The following NRDE2 variants were observed in gnomAD, a reference collection of about 807,000 sequenced individuals.
The protein encoded by NRDE2 is nuclear exosome regulator NRDE2.
Under a neutral mutation model 124.2 loss-of-function variants are expected in NRDE2, and 76 were observed. That is an observed-to-expected ratio of 0.61 (90% CI 0.51 to 0.74). The LOEUF (loss-of-function observed/expected upper bound fraction) is 0.74. NRDE2 is among the 30% of genes least tolerant of loss of function. The pLI is 0.00. For synonymous variants in NRDE2, 489 were observed against 528.1 expected (o/e 0.93, Z 1.01); for missense variants, 1,314 against 1,417.3 (o/e 0.93, Z 1.17).
At position 90,269,721 on chromosome 14, in the gene NRDE2, T is replaced by TC; in HGVS notation, c.*8614_*8615insG. 4.7e-6 allele frequency: 3 copies of TC among 634,186 alleles called. No individual in the cohort carries two copies. The highest frequency in any genetic ancestry group is 7.9e-6 in the Non-Finnish European group (3 of 381,074). 39.3% of individuals were successfully genotyped at this position (634,186 alleles called of 1,614,324 possible). ...AGATGAGGGTTAAAACAGAGCATGA[T>TC]ATGGTCTGTGCACCTTGGCCCTTTG... On this transcript the variant is annotated 3_prime_UTR_variant, in exon 14 of 14. Transcript: ENST00000354366.
In NRDE2 at chr14:90,276,466, G is replaced by C. The variant is rs1407305690; in HGVS notation, c.*1870C>G. Reference sequence around the variant, plus strand: ...GATCTCCTGACCTCGTGATCCGTCCGCCTCGGCCTCCCAAAGTGCTGGGAT... The same window carrying C: ...GATCTCCTGACCTCGTGATCCGTCCCCCTCGGCCTCCCAAAGTGCTGGGAT... On this transcript the variant is annotated 3_prime_UTR_variant, in exon 14 of 14. Transcript: ENST00000354366. 1.3e-5 allele frequency: 2 copies of C among 152,042 alleles called. No homozygotes were observed. Among genetic ancestry groups the C allele is most frequent in the South Asian group, 4.1e-4 (2 of 4,820 alleles). 9.4% of individuals were successfully genotyped at this position (152,042 alleles called of 1,614,324 possible). A position where few individuals can be genotyped will look rare whatever the true frequency, so the allele number is the denominator to read the frequency against.
chr14:90,331,625 C>T (rs1885701697), intron 1 of NRDE2, among the ~76,000 whole-genome samples: 1 of 152,234 alleles, frequency 6.6e-6, no homozygotes, highest in African/African-American at 2.4e-5. Context: ...GCTGGTCTTT[C>T]TCCACCCCTC....
chr14:90,306,858 C>G (rs568428174), intron 4 of NRDE2, among the ~76,000 whole-genome samples: 1 of 152,072 alleles, frequency 6.6e-6, no homozygotes, highest in Non-Finnish European at 1.5e-5. Context: ...GGCTGCCATT[C>G]CCTAAGGAAC....
rs1224938706 is a variant in NRDE2, at chr14:90,290,256, G to T, written c.2194C>A (p.Leu732Ile). Reference protein sequence around the residue: ...PLFSGKEKSQLCFSWLQYEIA... With the variant: ...PLFSGKEKSQICFSWLQYEIA... The stretch of plus-strand genomic sequence containing the variant: ...TCATACTGTAACCAGGAGAAGCAGA[G>T]CTGGGACTTCTCTTTGCCTGAAAAT... Residue 732 changes from leucine to isoleucine, a missense_variant, in exon 10 of 14, where the codon CTC becomes ATC. Physicochemically the swap from Leu to Ile is conservative, Grantham distance 5. Transcript: ENST00000354366. 6.2e-7 allele frequency: 1 copy of T among 1,614,092 alleles called. No individual in the cohort carries two copies. The highest frequency in any genetic ancestry group is 1.1e-5 in the South Asian group (1 of 91,082).
At chr14:90,300,564 A>G (rs1028787364) in intron 7 of NRDE2, among the ~76,000 whole-genome samples, 1 of 151,862 alleles carries the variant, frequency 6.6e-6, no homozygotes, top group Non-Finnish European at 1.5e-5. Context: ...CTCTATAAAA[A>G]TTCTTTATTT....
intron 1 of NRDE2, among the ~76,000 whole-genome samples, chr14:90,329,031 C>T (rs1885564506): frequency 6.6e-6 from 1 of 152,164 alleles, no homozygotes; most frequent in Non-Finnish European, 1.5e-5. Flanking sequence ...TTTTCCATTA[C>T]AAGAGATGAT....
intron 1 of NRDE2, among the ~76,000 whole-genome samples, chr14:90,319,591 T>C (rs1220623174): frequency 6.6e-6 from 1 of 152,082 alleles, no homozygotes; most frequent in African/African-American, 2.4e-5. Flanking sequence ...AATAAGCTCA[T>C]ATAATATACG....
intron 4 of NRDE2, among the ~76,000 whole-genome samples, chr14:90,307,499 G>A (rs531118378): frequency 6.6e-5 from 10 of 152,310 alleles, no homozygotes; most frequent in African/African-American, 2.4e-4. Flanking sequence ...GCCGAGGTGG[G>A]TGGATCAATT....
intron 3 of NRDE2, 41 bp from the exon 4 acceptor site, chr14:90,312,584 A>G: frequency 1.2e-6 from 2 of 1,610,368 alleles, no homozygotes; most frequent in Non-Finnish European, 1.7e-6. Context: ...AGGCACTTTA[A>G]AAAATCTTCC....
intron 12 of NRDE2, chr14:90,279,585 A>T (rs1891897509): frequency 6.5e-6 from 1 of 154,940 alleles, no homozygotes; most frequent in Non-Finnish European, 1.4e-5. Flanking sequence ...TATCTTTTAG[A>T]GAAAAGAGAT....
At chr14:90,310,258 CTGCA>C (rs1884777157) in intron 4 of NRDE2, among the ~76,000 whole-genome samples, 1 of 152,202 alleles carries the variant, frequency 6.6e-6, no homozygotes, top group Admixed American at 6.5e-5. Flanking sequence ...TCTCATCTTT[CTGCA>C]TGGGTGGTGA....
At position 90,274,821 on chromosome 14, in the gene NRDE2, CACACACACACACA is replaced by C. The variant is rs1891763190; in HGVS notation, c.*3502_*3514del. ...ACACACACACACACACACACACACA[CACACACACACACA>C]CACACCCCAATACATATGAATTGAT... On this transcript the variant is annotated 3_prime_UTR_variant, in exon 14 of 14. Coordinates refer to ENST00000354366, the MANE Select transcript of NRDE2 (RefSeq NM_017970.4). 1.1e-5 allele frequency: 1 copy of C among 91,166 alleles called. No homozygotes were observed. The highest frequency in any genetic ancestry group is 2.2e-5 in the Non-Finnish European group (1 of 45,964). 5.6% of individuals were successfully genotyped at this position (91,166 alleles called of 1,614,324 possible). A position where few individuals can be genotyped will look rare whatever the true frequency, so the allele number is the denominator to read the frequency against.
Position 90,270,516 on chromosome 14 carries a change from T to C in NRDE2, c.*7820A>G, listed in dbSNP as rs1467335977. The C allele has an allele frequency of 1.1e-5, 8 of 752,606 alleles. No homozygotes were observed. The highest frequency in any genetic ancestry group is 5.4e-5 in the South Asian group (2 of 37,256). 46.6% of individuals were successfully genotyped at this position (752,606 alleles called of 1,614,324 possible). A position where few individuals can be genotyped will look rare whatever the true frequency, so the allele number is the denominator to read the frequency against. On this transcript the variant is annotated 3_prime_UTR_variant, in exon 14 of 14. Coordinates refer to ENST00000354366, the MANE Select transcript of NRDE2 (RefSeq NM_017970.4). ...ATCCAAATGGTATATGTGCTTGATA[T>C]TGAAGTCATTCTTAATGCATCATTT...
At chr14:90,300,172 G>A (rs1884341814) in intron 7 of NRDE2, among the ~76,000 whole-genome samples, 4 of 152,172 alleles carry the variant, frequency 2.6e-5, no homozygotes, top group Admixed American at 2.6e-4. Flanking sequence ...GGGAGGGGGT[G>A]AGAGAAATTC....
chr14:90,313,911 A>T (rs1018966350), intron 3 of NRDE2, among the ~76,000 whole-genome samples: 1 of 152,230 alleles, frequency 6.6e-6, no homozygotes, highest in African/African-American at 2.4e-5. Context: ...TCCCAACTGC[A>T]GAGGGCTTCC....
chr14:90,288,611 C>T lies in NRDE2; in HGVS notation c.2764G>A (p.Ala922Thr). Residue 922 changes from alanine to threonine, a missense_variant, in exon 11 of 14, where the codon GCT becomes ACT. Ala to Thr is a moderately conservative substitution (Grantham distance 58). Coordinates refer to ENST00000354366, the MANE Select transcript of NRDE2 (RefSeq NM_017970.4). ...LFQYLTIGID[A>T]AVQIYEQVFA... is the part of the protein sequence containing the mutation. ...ACCTGTTCGTATATCTGCACAGCAG[C>T]ATCAATCCCTATGGTCAAATACTGG... 1.2e-6 allele frequency: 2 copies of T among 1,614,164 alleles called. No individual in the cohort carries two copies. Among genetic ancestry groups the T allele is most frequent in the Non-Finnish European group, 1.7e-6 (2 of 1,180,032 alleles).
intron 3 of NRDE2, among the ~76,000 whole-genome samples, chr14:90,313,574 G>C (rs566387988): frequency 7.6e-4 from 115 of 152,252 alleles, no homozygotes; most frequent in Admixed American, 1.8e-3. Flanking sequence ...CAGACTTTCA[G>C]CTCAGATCCA....
chr14:90,320,534 C>T (rs759536519), intron 1 of NRDE2, among the ~76,000 whole-genome samples: 1 of 152,210 alleles, frequency 6.6e-6, no homozygotes, highest in Non-Finnish European at 1.5e-5. Flanking sequence ...AGAGCCAAAC[C>T]ATATCAGTAT....
At chr14:90,304,578 T>G in intron 4 of NRDE2, 196 bp from the exon 5 acceptor site, 1 of 551,400 alleles carries the variant, frequency 1.8e-6, no homozygotes, top group East Asian at 2.9e-5. Flanking sequence ...CTTGACTTCT[T>G]CCTATAACAC....
Sources: gnomAD v4.1 joint callset for allele counts (sites outside exome capture counted in the v4.1 genomes callset) on GRCh38, gnomAD v4.1.1 for gene constraint, MANE v1.5 for transcripts, NCBI Gene and HGNC (gene_info 2026-07-23, HGNC 2026-07-21) for gene names.